ADGRL4: variants seen among roughly 807,000 people sequenced by gnomAD.
ADGRL4 encodes adhesion G protein-coupled receptor L4, also known as EGF, latrophilin and seven transmembrane domain containing 1.
ADGRL4 carries 90 observed loss-of-function variants against 74.8 expected under a neutral mutation model. The ratio of observed to expected loss-of-function variants is 1.20; its 90% CI spans 1.02 to 1.43. The LOEUF is 1.43. Among genes scored for constraint, ADGRL4 ranks in the 40% most tolerant of loss-of-function variants. The probability of loss-of-function intolerance (pLI) is 0.00; values close to 1 mark genes in which losing one functional copy is unlikely to be tolerated. For missense variants in ADGRL4, 881 were observed against 814.3 expected (o/e 1.08, Z -1.00); for synonymous variants, 311 against 279.2 (o/e 1.11, Z -1.14).
At chr1:78,993,320 G>T (rs961104360) in intron 2 of ADGRL4, among the ~76,000 whole-genome samples, 1 of 152,024 alleles carries the variant, frequency 6.6e-6, no homozygotes, top group Non-Finnish European at 1.5e-5. Context: ...ATGTGAAATT[G>T]TAACAGCATA....
chr1:78,897,513 T>C (rs1648422834), intron 12 of ADGRL4, among the ~76,000 whole-genome samples: 1 of 152,118 alleles, frequency 6.6e-6, no homozygotes, highest in African/African-American at 2.4e-5. Context: ...GCACCTTGGC[T>C]ATAAATCCCC....
intron 2 of ADGRL4, among the ~76,000 whole-genome samples, chr1:78,978,679 TGTAA>T (rs1189397941): frequency 6.6e-6 from 1 of 151,954 alleles, no homozygotes; most frequent in Non-Finnish European, 1.5e-5. Context: ...TGTTGAAATC[TGTAA>T]GTGTTTTACG....
At chr1:78,967,829 CA>C (rs112780356) in intron 2 of ADGRL4, among the ~76,000 whole-genome samples, 29,111 of 144,500 alleles carry the variant, frequency 0.2, 2,975 homozygotes, top group East Asian at 0.35. Context: ...ATCATTTTGC[CA>C]AAAAAAAAAA....
At chr1:78,921,889 T>A in intron 8 of ADGRL4, 103 bp from the exon 9 acceptor site, 1 of 597,450 alleles carries the variant, frequency 1.7e-6, no homozygotes, top group Non-Finnish European at 2.6e-6. Context: ...AACAATGCCT[T>A]AACAGTGAAA....
intron 2 of ADGRL4, among the ~76,000 whole-genome samples, chr1:78,986,606 A>G (rs1024458954): frequency 6.6e-6 from 1 of 151,644 alleles, no homozygotes. Context: ...ATGAGACTCT[A>G]TCTCAATAAA....
intron 12 of ADGRL4, among the ~76,000 whole-genome samples, chr1:78,916,230 C>T (rs190140232): frequency 1.3e-5 from 2 of 151,802 alleles, no homozygotes; most frequent in Non-Finnish European, 2.9e-5. Context: ...GAGAAGTATG[C>T]TCCTGTTTTT....
intron 12 of ADGRL4, among the ~76,000 whole-genome samples, chr1:78,893,592 T>G (rs1648333989): frequency 6.6e-6 from 1 of 151,846 alleles, no homozygotes; most frequent in African/African-American, 2.4e-5. Flanking sequence ...AAAGAAAAAT[T>G]GAAAGATTGA....
intron 8 of ADGRL4, among the ~76,000 whole-genome samples, chr1:78,925,205 A>G (rs926785070): frequency 3.9e-5 from 6 of 152,050 alleles, no homozygotes; most frequent in African/African-American, 1.4e-4. Flanking sequence ...GGAAGGCTGC[A>G]GGGGCTTGAA....
At chr1:78,899,498 T>C (rs1191114200) in intron 12 of ADGRL4, among the ~76,000 whole-genome samples, 2 of 152,038 alleles carry the variant, frequency 1.3e-5, no homozygotes, top group African/African-American at 4.8e-5. Context: ...GGACCACAGG[T>C]GCACACCACC....
chr1:78,994,854 C>T (rs1196463848), intron 2 of ADGRL4, among the ~76,000 whole-genome samples: 1 of 152,182 alleles, frequency 6.6e-6, no homozygotes, highest in Non-Finnish European at 1.5e-5. Flanking sequence ...ATATTACCCT[C>T]AGAATGAATA....
intron 2 of ADGRL4, among the ~76,000 whole-genome samples, chr1:78,949,482 A>G (rs1570248845): frequency 6.6e-6 from 1 of 152,134 alleles, no homozygotes. Flanking sequence ...CTAATGTTCC[A>G]ACTCAAATAT....
Position 78,931,644 on chromosome 1 carries a change from TAA to T in ADGRL4, c.878-4555_878-4554del, listed in dbSNP as rs1388354190. 2.6e-5 allele frequency among the ~76,000 whole-genome samples: 4 copies of T among 151,134 alleles called. No individual in the cohort carries two copies. The East Asian group carries it at 5.8e-4, about 22-fold the overall frequency. On this transcript the variant is annotated intron_variant, in intron 7 of 14. Coordinates refer to ENST00000370742, the MANE Select transcript of ADGRL4 (RefSeq NM_022159.4). ...TAAAGGCACAGACTGGCAAATTGGATAAAGAGTTGAGACCCATCGGTGTGCTA... is the reference window on the plus strand; with the variant it reads ...TAAAGGCACAGACTGGCAAATTGGATAGAGTTGAGACCCATCGGTGTGCTA...
At chr1:78,944,948 T>C (rs2100694340) in intron 3 of ADGRL4, among the ~76,000 whole-genome samples, 1 of 152,180 alleles carries the variant, frequency 6.6e-6, no homozygotes, top group Non-Finnish European at 1.5e-5. Context: ...GCAGATTGCC[T>C]GAGCTCAGGA....
intron 2 of ADGRL4, among the ~76,000 whole-genome samples, chr1:79,004,628 A>C (rs1356119096): frequency 6.6e-6 from 1 of 152,072 alleles, no homozygotes; most frequent in Non-Finnish European, 1.5e-5. Flanking sequence ...TGAATCTCTT[A>C]ATATCATCTC....
chr1:78,974,134 T>C (rs1320641298), intron 2 of ADGRL4, among the ~76,000 whole-genome samples: 1 of 152,144 alleles, frequency 6.6e-6, no homozygotes, highest in Non-Finnish European at 1.5e-5. Flanking sequence ...CGCATATAAA[T>C]GTTATTTTCC....
intron 2 of ADGRL4, among the ~76,000 whole-genome samples, chr1:78,947,550 T>C (rs1649629008): frequency 6.6e-6 from 1 of 152,172 alleles, no homozygotes; most frequent in Non-Finnish European, 1.5e-5. Flanking sequence ...CCTCCAGAGC[T>C]GTGAGAGAAT....
At chr1:78,995,878 A>G (rs1650702294) in intron 2 of ADGRL4, among the ~76,000 whole-genome samples, 1 of 152,198 alleles carries the variant, frequency 6.6e-6, no homozygotes, top group Non-Finnish European at 1.5e-5. Context: ...TAGCAAAGAA[A>G]CACTAAAATT....
intron 2 of ADGRL4, among the ~76,000 whole-genome samples, chr1:78,965,447 T>C (rs1650036149): frequency 6.6e-6 from 1 of 152,174 alleles, no homozygotes; most frequent in African/African-American, 2.4e-5. Flanking sequence ...TCCTGGGAGT[T>C]ACCCAAACAA....
chr1:78,900,211 T>A (rs185758281), intron 12 of ADGRL4, among the ~76,000 whole-genome samples: 2 of 152,176 alleles, frequency 1.3e-5, no homozygotes, highest in Admixed American at 6.6e-5. Context: ...AATGGGGTCT[T>A]AGTCCCACAA....
Sources: gnomAD v4.1 joint callset for allele counts (sites outside exome capture counted in the v4.1 genomes callset) on GRCh38, gnomAD v4.1.1 for gene constraint, MANE v1.5 for transcripts, NCBI Gene and HGNC (gene_info 2026-07-23, HGNC 2026-07-21) for gene names.